Variants in ST8SIA6 observed in about 807,000 individuals in gnomAD.
ST8SIA6 encodes alpha-2,8-sialyltransferase 8F.
In ST8SIA6, 39 loss-of-function variants were observed where a neutral mutation model predicts 33.6. The ratio of observed to expected loss-of-function variants is 1.16; its 90% CI spans 0.90 to 1.52. The LOEUF (loss-of-function observed/expected upper bound fraction) is 1.52. Ranked by LOEUF, ST8SIA6 falls within the 40% of genes most tolerant of loss-of-function variation. The pLI is 0.00. For synonymous variants in ST8SIA6, 172 were observed against 167.2 expected (o/e 1.03, Z -0.22); for missense variants, 441 against 443.8 (o/e 0.99, Z 0.06).
At position 17,401,013 on chromosome 10, in the gene ST8SIA6, T is replaced by C. The variant is rs537515906; in HGVS notation, c.201-10393A>G. 1.9e-3 allele frequency among the ~76,000 whole-genome samples: 290 copies of C among 152,308 alleles called. 1 individual carries two copies. The highest frequency in any genetic ancestry group is 2.8e-3 in the Non-Finnish European group (193 of 68,036). ...TTGTCCCTGTTTGCAGATGACACGA[T>C]TGTATATCTAGAAAACCCCATCGTC... On this transcript the variant is annotated intron_variant, in intron 2 of 7. Transcript: ENST00000377602.
At chr10:17,433,396 T>C (rs970216514) in intron 2 of ST8SIA6, among the ~76,000 whole-genome samples, 5 of 152,208 alleles carry the variant, frequency 3.3e-5, no homozygotes, top group African/African-American at 1.2e-4. Context: ...AGCTTTAATA[T>C]CCAACCGTTG....
At chr10:17,391,732 GA>G (rs935052688) in intron 2 of ST8SIA6, among the ~76,000 whole-genome samples, 11 of 151,772 alleles carry the variant, frequency 7.2e-5, no homozygotes, top group Non-Finnish European at 1.0e-4. Flanking sequence ...TGGAACAAAA[GA>G]AAAAAAATCT....
chr10:17,407,568 A>T (rs533044544), intron 2 of ST8SIA6, among the ~76,000 whole-genome samples: 1 of 152,304 alleles, frequency 6.6e-6, no homozygotes, highest in South Asian at 2.1e-4. Context: ...ATCCTTGAGG[A>T]GGTAGATTTG....
chr10:17,423,475 A>G (rs1291015597), intron 2 of ST8SIA6, among the ~76,000 whole-genome samples: 1 of 152,186 alleles, frequency 6.6e-6, no homozygotes, highest in Non-Finnish European at 1.5e-5. Flanking sequence ...TTGCATGCCT[A>G]GCACAGTGTG....
intron 2 of ST8SIA6, among the ~76,000 whole-genome samples, chr10:17,447,581 T>G (rs922165568): frequency 7.3e-5 from 11 of 150,742 alleles, no homozygotes; most frequent in African/African-American, 2.7e-4. Context: ...AAGAAAGAAA[T>G]AAAGAACAAA....
Position 17,359,572 on chromosome 10 carries a change from T to C in ST8SIA6, c.319A>G (p.Ile107Val). The C allele has an allele frequency of 6.2e-7, 1 of 1,606,718 alleles. No individual in the cohort carries two copies. Among genetic ancestry groups the C allele is most frequent in the Non-Finnish European group, 8.5e-7 (1 of 1,177,332 alleles). The change falls in exon 4 of 8, where the codon ATC becomes GTC. Residue 107 changes from isoleucine (I) to valine (V), a missense_variant. Physicochemically the swap from Ile to Val is conservative, Grantham distance 29. Coordinates refer to ENST00000377602, the MANE Select transcript of ST8SIA6 (RefSeq NM_001004470.3). ...CATGGACAACTCTGTATATCTGTGA[T>C]AATCTGAAGGTAGTCGTTCTCTGAA... Reference protein sequence around the residue: ...GYSENDYLQIITDIQSCPWKR... With the variant: ...GYSENDYLQIVTDIQSCPWKR...
In ST8SIA6 at chr10:17,439,271, C is replaced by CTT. The variant is rs146928120; in HGVS notation, c.200+14286_200+14287dup. On this transcript the variant is annotated intron_variant, in intron 2 of 7. Transcript: ENST00000377602. ...ATTACTTTCTGTGCTTCTTCCCTCT[C>CTT]TTTTTTTTTTTTTTTTTTTGGAGTT... Among the ~76,000 whole-genome samples the CTT allele has an allele frequency of 1.3e-4, 16 of 124,206 alleles. No individual in the cohort carries two copies. The South Asian group carries it at 1.3e-3, about 10-fold the overall frequency. 81.5% of individuals were successfully genotyped at this position (124,206 alleles called of 152,430 possible). A position where few individuals can be genotyped will look rare whatever the true frequency, so the allele number is the denominator to read the frequency against.
chr10:17,357,335 A>G (rs1241682544), intron 4 of ST8SIA6, among the ~76,000 whole-genome samples: 1 of 146,792 alleles, frequency 6.8e-6, no homozygotes, highest in African/African-American at 2.5e-5. Context: ...ACGGGGTTCC[A>G]CCATGTTGGT....
intron 4 of ST8SIA6, among the ~76,000 whole-genome samples, chr10:17,352,070 G>A (rs1849050092): frequency 1.3e-5 from 2 of 151,958 alleles, no homozygotes; most frequent in South Asian, 4.1e-4. Flanking sequence ...TTAAGCATAT[G>A]AGCTGATGGA....
intron 4 of ST8SIA6, among the ~76,000 whole-genome samples, chr10:17,340,676 C>G (rs912956474): frequency 6.6e-6 from 1 of 152,080 alleles, no homozygotes; most frequent in Non-Finnish European, 1.5e-5. Flanking sequence ...TTTGCAGCAC[C>G]AAAAATTTAT....
intron 2 of ST8SIA6, among the ~76,000 whole-genome samples, chr10:17,446,923 C>T (rs1458663453): frequency 6.7e-6 from 1 of 150,122 alleles, no homozygotes; most frequent in East Asian, 2.0e-4. Flanking sequence ...CAGATGCTGC[C>T]TGTATTCCCA....
At position 17,380,038 on chromosome 10, in the gene ST8SIA6, C is replaced by T. The variant is rs149734543; in HGVS notation, c.290+10493G>A. Among the ~76,000 whole-genome samples the T allele has an allele frequency of 8.0e-3, 1,220 of 152,278 alleles. 21 individuals are homozygous for T. The highest frequency in any genetic ancestry group is 0.028 in the African/African-American group (1,170 of 41,540). ...GAGCACCCTCCAGAGAATCCCTGAT[C>T]TCCCAAAATTTGGTTGAGATCTAAA... On this transcript the variant is annotated intron_variant, in intron 3 of 7. Coordinates refer to ENST00000377602, the MANE Select transcript of ST8SIA6 (RefSeq NM_001004470.3).
intron 3 of ST8SIA6, among the ~76,000 whole-genome samples, chr10:17,363,227 T>A (rs1179191114): frequency 3.3e-5 from 5 of 152,184 alleles, no homozygotes; most frequent in Non-Finnish European, 7.3e-5. Flanking sequence ...CAATAGCTCA[T>A]TAGTCAATTT....
chr10:17,434,059 C>T lies in ST8SIA6; in HGVS notation c.200+19500G>A, dbSNP rs1852179178. The stretch of plus-strand genomic sequence containing the variant: ...AGGCACTTGTACCTGTTTAGCCTCC[C>T]CTGGCTTCTCTCCCCTGGGCTACCC... On this transcript the variant is annotated intron_variant, in intron 2 of 7. Transcript: ENST00000377602. Among the ~76,000 whole-genome samples, 2 of 152,138 alleles carry T rather than the reference C, an allele frequency of 1.3e-5. 1 individual carries two copies. Among genetic ancestry groups the T allele is most frequent in the South Asian group, 4.1e-4 (2 of 4,828 alleles).
At chr10:17,345,131 C>T (rs541119814) in intron 4 of ST8SIA6, among the ~76,000 whole-genome samples, 48 of 152,010 alleles carry the variant, frequency 3.2e-4, no homozygotes, top group Non-Finnish European at 5.4e-4. Flanking sequence ...CTAGGCCAGG[C>T]CTACTATATA....
intron 4 of ST8SIA6, among the ~76,000 whole-genome samples, chr10:17,348,325 T>C (rs371326194): frequency 6.6e-6 from 1 of 152,010 alleles, no homozygotes; most frequent in Non-Finnish European, 1.5e-5. Flanking sequence ...ATCAGTCTTA[T>C]GTGTAATTAC....
intron 2 of ST8SIA6, among the ~76,000 whole-genome samples, chr10:17,416,044 G>A (rs748267470): frequency 7.9e-5 from 12 of 151,950 alleles, no homozygotes; most frequent in Non-Finnish European, 1.6e-4. Flanking sequence ...CTGACCTCAA[G>A]TGATCCACCG....
At chr10:17,381,742 T>A (rs1049462102) in intron 3 of ST8SIA6, among the ~76,000 whole-genome samples, 3 of 152,248 alleles carry the variant, frequency 2.0e-5, no homozygotes, top group Non-Finnish European at 4.4e-5. Flanking sequence ...AACAGAATGA[T>A]CTTTGCTTGT....
intron 2 of ST8SIA6, among the ~76,000 whole-genome samples, chr10:17,398,402 A>G (rs1262812828): frequency 1.3e-5 from 2 of 152,132 alleles, no homozygotes; most frequent in Non-Finnish European, 2.9e-5. Flanking sequence ...TTCAATCCCT[A>G]CAAAATAATG....
Sources: allele counts gnomAD v4.1 joint callset (sites outside exome capture counted in the v4.1 genomes callset), GRCh38; gene constraint gnomAD v4.1.1; transcripts MANE v1.5; gene names NCBI Gene and HGNC (gene_info 2026-07-23, HGNC 2026-07-21).